DSE: variants seen among roughly 807,000 people sequenced by gnomAD.
The protein encoded by DSE is dermatan-sulfate epimerase.
DSE carries 36 observed loss-of-function variants against 84.4 expected under a neutral mutation model. The ratio of observed to expected loss-of-function variants is 0.43; its 90% CI spans 0.33 to 0.56. The LOEUF is 0.56. DSE is among the 20% of genes least tolerant of loss of function. The probability of loss-of-function intolerance (pLI) is 0.06; values close to 1 mark genes in which losing one functional copy is unlikely to be tolerated. For missense variants in DSE, 862 were observed against 1,169.6 expected, an observed-to-expected ratio of 0.74 and a Z score of 3.84; for synonymous variants, 410 against 430.1, an observed-to-expected ratio of 0.95 and a Z score of 0.58.
rs893312210 is a variant in DSE at position 116,338,219 on chromosome 6, C to CTTT, written c.-53-60959_-53-60957dup. On this transcript the variant is annotated intron_variant, in intron 2 of 3. Transcript: ENST00000430252. ...TTTCTTCTTACCTTCTTTCTTCTTT[C>CTTT]TTTTTTTTTTTTTTTTTTTTTTGAC... 6.3e-3 allele frequency among the ~76,000 whole-genome samples: 576 copies of CTTT among 91,170 alleles called. 22 individuals carry two copies. Among genetic ancestry groups the CTTT allele is most frequent in the African/African-American group, 0.019 (410 of 21,614 alleles). 59.8% of individuals were successfully genotyped at this position (91,170 alleles called of 152,430 possible). A position where few individuals can be genotyped will look rare whatever the true frequency, so the allele number is the denominator to read the frequency against.
intron 2 of DSE, among the ~76,000 whole-genome samples, chr6:116,309,106 T>G (rs978971171): frequency 7.2e-6 from 1 of 139,838 alleles, no homozygotes; most frequent in African/African-American, 2.4e-5. Context: ...ATTAGTAAAT[T>G]GAACTTATTA....
At chr6:116,260,489 A>C (rs9398429) in intron 2 of DSE, among the ~76,000 whole-genome samples, 67 of 152,022 alleles carry the variant, frequency 4.4e-4, no homozygotes, top group Non-Finnish European at 8.5e-4. Context: ...TAGTTTAATT[A>C]GATACCATTT....
intron 2 of DSE, among the ~76,000 whole-genome samples, chr6:116,361,400 G>C (rs1221093150): frequency 2.0e-5 from 3 of 152,168 alleles, no homozygotes; most frequent in Admixed American, 1.3e-4. Flanking sequence ...TAGCTTCTTA[G>C]TTTATATGGC....
At position 116,377,341 on chromosome 6, in the gene DSE, T is replaced by C. The variant is rs116458785; in HGVS notation, c.-54+6220T>C. Among the ~76,000 whole-genome samples the C allele has an allele frequency of 4.9e-3, 743 of 152,310 alleles. 6 individuals are homozygous for C. Among genetic ancestry groups the C allele is most frequent in the African/African-American group, 0.017 (709 of 41,572 alleles). On this transcript the variant is annotated intron_variant, in intron 1 of 5. Coordinates refer to ENST00000644252, the MANE Select transcript of DSE (RefSeq NM_013352.4). The stretch of plus-strand genomic sequence containing the variant: ...AATAGGCTCACCAAGCTTGTGGGTC[T>C]GTAATGTTTTTATTGATGAAGTACG...
chr6:116,269,603 T>C (rs989400339), intron 2 of DSE, among the ~76,000 whole-genome samples: 1 of 152,206 alleles, frequency 6.6e-6, no homozygotes, highest in African/African-American at 2.4e-5. Flanking sequence ...TTGTCCACTA[T>C]GTTACAGTTA....
intron 1 of DSE, among the ~76,000 whole-genome samples, chr6:116,381,000 T>G (rs1780188933): frequency 6.6e-6 from 1 of 152,312 alleles, no homozygotes; most frequent in East Asian, 1.9e-4. Context: ...TACTTTGTCA[T>G]TCTTATGCAA....
chr6:116,317,569 C>T (rs1199882312), intron 2 of DSE, among the ~76,000 whole-genome samples: 1 of 152,190 alleles, frequency 6.6e-6, no homozygotes, highest in Non-Finnish European at 1.5e-5. Flanking sequence ...TGCTGCTAGT[C>T]TCTAAATCTT....
chr6:116,443,264 A>G lies in DSE; in HGVS notation c.*5919A>G, dbSNP rs2042159636. 1 of 152,242 alleles carries G rather than the reference A, an allele frequency of 6.6e-6. No individual in the cohort carries two copies. The highest frequency in any genetic ancestry group is 2.1e-4 in the South Asian group (1 of 4,838). 9.4% of individuals were successfully genotyped at this position (152,242 alleles called of 1,614,324 possible). Reference sequence around the variant, plus strand: ...TATTGATCAGAAAGATAATGAGTCAAGGATCCCTAATGGTATATATGTCTG... The same window carrying G: ...TATTGATCAGAAAGATAATGAGTCAGGGATCCCTAATGGTATATATGTCTG... On this transcript the variant is annotated 3_prime_UTR_variant, in exon 6 of 6. Transcript: ENST00000644252.
chr6:116,403,754 A>G (rs892165497), intron 2 of DSE, among the ~76,000 whole-genome samples: 2 of 151,972 alleles, frequency 1.3e-5, no homozygotes, highest in South Asian at 4.2e-4. Flanking sequence ...AGAACTGACT[A>G]CTCTCTTGGC....
intron 1 of DSE, among the ~76,000 whole-genome samples, chr6:116,375,683 C>A (rs557072666): frequency 6.6e-6 from 1 of 152,254 alleles, no homozygotes; most frequent in South Asian, 2.1e-4. Context: ...GATAGCAGGA[C>A]CATTACTATT....
chr6:116,379,136 T>G (rs1000518339), intron 1 of DSE, among the ~76,000 whole-genome samples: 2 of 152,152 alleles, frequency 1.3e-5, no homozygotes, highest in African/African-American at 4.8e-5. Context: ...AAGATTAGGC[T>G]TATTGAAATT....
At chr6:116,316,631 G>A (rs1028552669) in intron 2 of DSE, among the ~76,000 whole-genome samples, 8 of 151,752 alleles carry the variant, frequency 5.3e-5, no homozygotes, top group Non-Finnish European at 1.2e-4. Flanking sequence ...ACCTTTACTA[G>A]GACAATAATG....
intron 2 of DSE, among the ~76,000 whole-genome samples, chr6:116,282,176 T>A (rs1773583394): frequency 6.6e-6 from 1 of 152,208 alleles, no homozygotes; most frequent in South Asian, 2.1e-4. Flanking sequence ...ATAATGCATT[T>A]CTCTCTACAA....
intron 2 of DSE, among the ~76,000 whole-genome samples, chr6:116,311,906 A>G (rs1775715173): frequency 6.6e-6 from 1 of 152,214 alleles, no homozygotes; most frequent in Non-Finnish European, 1.5e-5. Flanking sequence ...GGGACTTGAC[A>G]GTCTTATTTG....
intron 2 of DSE, among the ~76,000 whole-genome samples, chr6:116,289,505 A>T (rs1237290096): frequency 6.6e-6 from 1 of 152,054 alleles, no homozygotes; most frequent in Admixed American, 6.6e-5. Flanking sequence ...ACATTTTGTT[A>T]GTTGCCATTC....
intron 2 of DSE, among the ~76,000 whole-genome samples, chr6:116,363,487 G>A (rs1329158835): frequency 6.6e-6 from 1 of 152,030 alleles, no homozygotes; most frequent in Non-Finnish European, 1.5e-5. Context: ...CAGCCTTCTT[G>A]TATAATAACA....
intron 2 of DSE, chr6:116,279,819 C>T (rs1773394508): frequency 6.2e-7 from 1 of 1,613,044 alleles, no homozygotes; most frequent in East Asian, 2.2e-5. Flanking sequence ...TGACCCCATC[C>T]AGGCCGCTCA....
chr6:116,352,256 C>A (rs1192308366), intron 2 of DSE, among the ~76,000 whole-genome samples: 1 of 152,192 alleles, frequency 6.6e-6, no homozygotes, highest in African/African-American at 2.4e-5. Flanking sequence ...TATTATCTAT[C>A]TACTCATGGC....
intron 2 of DSE, among the ~76,000 whole-genome samples, chr6:116,287,679 G>C (rs374621311): frequency 1.3e-5 from 2 of 152,032 alleles, no homozygotes; most frequent in South Asian, 2.1e-4. Context: ...AGCATTTTTT[G>C]TTGAGGGAGA....
Sources: gnomAD v4.1 joint callset for allele counts (sites outside exome capture counted in the v4.1 genomes callset) on GRCh38, gnomAD v4.1.1 for gene constraint, MANE v1.5 for transcripts, NCBI Gene and HGNC (gene_info 2026-07-23, HGNC 2026-07-21) for gene names.